NKAIN2: variants seen among roughly 807,000 people sequenced by gnomAD.
NKAIN2 encodes sodium/potassium transporting ATPase interacting 2, also known as sodium/potassium-transporting ATPase subunit beta-1-interacting protein 2.
In NKAIN2, 14 loss-of-function variants were observed where a neutral mutation model predicts 32.6. That is an observed-to-expected ratio of 0.43 (90% CI 0.28 to 0.67). The LOEUF is 0.67. Ranked by LOEUF, NKAIN2 falls within the 30% of genes least tolerant of loss-of-function variation. The pLI, the probability that NKAIN2 is intolerant of heterozygous loss-of-function variation, is 0.17. For missense variants in NKAIN2, 198 were observed against 258.3 expected, an observed-to-expected ratio of 0.77 and a Z score of 1.60; for synonymous variants, 80 against 87.2, an observed-to-expected ratio of 0.92 and a Z score of 0.46.
At chr6:124,598,229 T>C (rs1161099482) in intron 3 of NKAIN2, among the ~76,000 whole-genome samples, 1 of 152,160 alleles carries the variant, frequency 6.6e-6, no homozygotes, top group Non-Finnish European at 1.5e-5. Flanking sequence ...TGTTTTTTAG[T>C]TATATCCCCC....
chr6:123,860,596 AGAT>A (rs963938579), intron 1 of NKAIN2, among the ~76,000 whole-genome samples: 2 of 152,060 alleles, frequency 1.3e-5, no homozygotes, highest in Admixed American at 1.3e-4. Flanking sequence ...TTACTTGTAG[AGAT>A]GTGATTTCAC....
intron 4 of NKAIN2, among the ~76,000 whole-genome samples, chr6:124,716,046 T>C (rs1775735945): frequency 6.6e-6 from 1 of 152,248 alleles, no homozygotes; most frequent in Non-Finnish European, 1.5e-5. Context: ...CAATAGGCTC[T>C]GAACCCAGAG....
chr6:124,365,448 A>G (rs1799479265), intron 3 of NKAIN2, among the ~76,000 whole-genome samples: 1 of 151,916 alleles, frequency 6.6e-6, no homozygotes, highest in Non-Finnish European at 1.5e-5. Context: ...ATAAAGGGGG[A>G]AATGTAATAA....
At chr6:124,087,937 A>C (rs1784256358) in intron 1 of NKAIN2, among the ~76,000 whole-genome samples, 1 of 152,028 alleles carries the variant, frequency 6.6e-6, no homozygotes, top group African/African-American at 2.4e-5. Flanking sequence ...GTTGTATCAC[A>C]GTGGAATCCA....
chr6:124,092,347 T>C (rs185493648), intron 1 of NKAIN2, among the ~76,000 whole-genome samples: 2 of 152,166 alleles, frequency 1.3e-5, no homozygotes, highest in East Asian at 3.9e-4. Context: ...CTAAATCTAA[T>C]GAGAACCAGC....
chr6:124,703,514 T>C (rs964245775), intron 4 of NKAIN2, among the ~76,000 whole-genome samples: 1 of 152,022 alleles, frequency 6.6e-6, no homozygotes, highest in African/African-American at 2.4e-5. Flanking sequence ...CATTAATCCA[T>C]GCATTCAACT....
chr6:123,818,310 A>T (rs1016543548), intron 1 of NKAIN2, among the ~76,000 whole-genome samples: 1 of 151,890 alleles, frequency 6.6e-6, no homozygotes, highest in African/African-American at 2.4e-5. Context: ...GTAAATTTAA[A>T]AATTATTTTT....
At chr6:124,194,741 A>T (rs774705589) in intron 1 of NKAIN2, among the ~76,000 whole-genome samples, 11 of 152,166 alleles carry the variant, frequency 7.2e-5, no homozygotes, top group Non-Finnish European at 1.6e-4. Context: ...TACAAAATAT[A>T]ACTAAGAGGA....
intron 3 of NKAIN2, among the ~76,000 whole-genome samples, chr6:124,498,131 T>C (rs1158600953): frequency 6.6e-6 from 1 of 152,118 alleles, no homozygotes; most frequent in African/African-American, 2.4e-5. Context: ...TCGAGAAAGT[T>C]TGAAATCTGG....
intron 3 of NKAIN2, among the ~76,000 whole-genome samples, chr6:124,566,416 T>C (rs948505517): frequency 6.6e-6 from 1 of 152,114 alleles, no homozygotes; most frequent in Non-Finnish European, 1.5e-5. Flanking sequence ...CATTCAACGG[T>C]GAGTGGCAGG....
chr6:123,859,205 A>G (rs1200185316), intron 1 of NKAIN2, among the ~76,000 whole-genome samples: 1 of 152,202 alleles, frequency 6.6e-6, no homozygotes, highest in African/African-American at 2.4e-5. Context: ...AATTGCTATT[A>G]GAATTCACTG....
intron 3 of NKAIN2, among the ~76,000 whole-genome samples, chr6:124,480,494 CT>C (rs1436196334): frequency 1.3e-5 from 2 of 152,102 alleles, no homozygotes; most frequent in African/African-American, 4.8e-5. Flanking sequence ...GCACCTTTGA[CT>C]TTTTCTTGTC....
intron 3 of NKAIN2, among the ~76,000 whole-genome samples, chr6:124,456,460 G>A (rs7746439): frequency 0.068 from 10,263 of 151,770 alleles, 1,173 homozygotes; most frequent in African/African-American, 0.23. Context: ...ATATTTTTAG[G>A]TATGAAGACC....
At chr6:124,124,955 T>C (rs1186666270) in intron 1 of NKAIN2, among the ~76,000 whole-genome samples, 1 of 152,194 alleles carries the variant, frequency 6.6e-6, no homozygotes, top group East Asian at 1.9e-4. Context: ...TAGGTAAATA[T>C]GAACTTGAAT....
chr6:124,427,124 G>A (rs988032270), intron 3 of NKAIN2, among the ~76,000 whole-genome samples: 2 of 152,120 alleles, frequency 1.3e-5, no homozygotes, highest in Non-Finnish European at 2.9e-5. Flanking sequence ...ATGCACTTAT[G>A]TTATAACACA....
intron 3 of NKAIN2, among the ~76,000 whole-genome samples, chr6:124,550,501 G>T (rs1430002248): frequency 6.6e-6 from 1 of 152,040 alleles, no homozygotes; most frequent in Non-Finnish European, 1.5e-5. Context: ...AAAGGGCCCT[G>T]GTTACTTTTA....
chr6:124,005,584 C>A (rs963615408), intron 1 of NKAIN2, among the ~76,000 whole-genome samples: 5 of 152,000 alleles, frequency 3.3e-5, no homozygotes, highest in African/African-American at 9.7e-5. Flanking sequence ...TTATTTTATA[C>A]TAATTCATGC....
At chr6:124,656,705 C>A (rs1307393280) in intron 3 of NKAIN2, among the ~76,000 whole-genome samples, 1 of 152,092 alleles carries the variant, frequency 6.6e-6, no homozygotes, top group Non-Finnish European at 1.5e-5. Context: ...TCAGCCATCA[C>A]CCCCCTACCC....
intron 1 of NKAIN2, among the ~76,000 whole-genome samples, chr6:124,210,832 G>A (rs1791137261): frequency 6.6e-6 from 1 of 151,450 alleles, no homozygotes; most frequent in African/African-American, 2.4e-5. Context: ...AGTTCAATTA[G>A]TTTTTTGGTG....
Sources: allele counts gnomAD v4.1 joint callset (sites outside exome capture counted in the v4.1 genomes callset), GRCh38; gene constraint gnomAD v4.1.1; transcripts MANE v1.5; gene names NCBI Gene and HGNC (gene_info 2026-07-23, HGNC 2026-07-21).